Variants in ADCY4 observed in about 807,000 individuals in gnomAD.
ADCY4 encodes adenylate cyclase 4.
Under a neutral mutation model 125.5 loss-of-function variants are expected in ADCY4, and 111 were observed. The observed-to-expected ratio is 0.88, with a 90% CI of 0.76 to 1.04. The LOEUF (loss-of-function observed/expected upper bound fraction) is 1.04, where lower values mean the gene tolerates loss of function less well. Among genes scored for constraint, ADCY4 ranks in the 50% least tolerant of loss-of-function variants. The pLI is 0.00. For missense variants in ADCY4, 1,256 were observed against 1,382.9 expected (o/e 0.91, Z 1.46); for synonymous variants, 576 against 586.9 (o/e 0.98, Z 0.27).
rs1022895491 is a variant in ADCY4 at position 24,329,716 on chromosome 14, C to T, written c.1217+144G>A. ...AGGTGCCTCCCAGCTCCCCTCCCTGCACCCTAGGATCTCCCAAGCCCCATA... is the reference window on the plus strand; with the variant it reads ...AGGTGCCTCCCAGCTCCCCTCCCTGTACCCTAGGATCTCCCAAGCCCCATA... On this transcript the variant is annotated intron_variant, in intron 8 of 24. Transcript: ENST00000418030. 6.4e-6 allele frequency: 9 copies of T among 1,412,850 alleles called. No individual in the cohort carries two copies. The African/African-American group carries it at 7.2e-5, about 11-fold the overall frequency. The allele number at this position is 1,412,850 out of a possible 1,614,324, so 87.5% of individuals were successfully genotyped here.
chr14:24,334,444 C>T (rs751917689), intron 1 of ADCY4, 50 bp downstream of exon 1: 2 of 1,514,138 alleles, frequency 1.3e-6, no homozygotes, highest in Admixed American at 2.2e-5. Context: ...ACCCCAACCC[C>T]GAAAATGCTC....
chr14:24,330,760 G>A (rs1025185349), intron 6 of ADCY4: 2 of 483,920 alleles, frequency 4.1e-6, no homozygotes, highest in African/African-American at 3.8e-5. Flanking sequence ...CATATGTGGG[G>A]GCTCTGAGCA....
At chr14:24,325,521 A>G (rs2041928472) in intron 13 of ADCY4, 47 bp from the exon 14 acceptor site, 2 of 1,528,804 alleles carry the variant, frequency 1.3e-6, no homozygotes, top group Non-Finnish European at 9.0e-7. Flanking sequence ...AGTGCTACCC[A>G]TCACCTTGAA....
Position 24,334,730 on chromosome 14 carries a change from T to A in ADCY4, c.-78A>T. Reference sequence around the variant, plus strand: ...CTCCTTCGGCCCGGCGGGCCCCACCTGAGCTTTTCTCACCCGCTCAAAGCC... The same window carrying A: ...CTCCTTCGGCCCGGCGGGCCCCACCAGAGCTTTTCTCACCCGCTCAAAGCC... On this transcript the variant is annotated 5_prime_UTR_variant, in exon 1 of 25. Transcript: ENST00000418030. 1 of 1,238,658 alleles carries A rather than the reference T, an allele frequency of 8.1e-7. No homozygotes were observed. The highest frequency in any genetic ancestry group is 1.1e-6 in the Non-Finnish European group (1 of 921,638). The allele number at this position is 1,238,658 out of a possible 1,614,324, so 76.7% of individuals were successfully genotyped here. A position where few individuals can be genotyped will look rare whatever the true frequency, so the allele number is the denominator to read the frequency against.
intron 6 of ADCY4, 183 bp downstream of exon 6, chr14:24,330,835 T>C (rs560784740): frequency 3.7e-5 from 22 of 593,162 alleles, no homozygotes; most frequent in African/African-American, 3.3e-4. Context: ...GTTTGAGGTG[T>C]GTGGTGAGCA....
rs753714438 is a variant in ADCY4, at chr14:24,332,521, C to T, written c.519+1G>A. Reference sequence around the variant, plus strand: ...GCAGCCTGTGCTACTTGCGTGCTCACCTGCGGCAGCAGTGCAGGCCGTGAG... The same window carrying T: ...GCAGCCTGTGCTACTTGCGTGCTCATCTGCGGCAGCAGTGCAGGCCGTGAG... On this transcript the variant is annotated splice_donor_variant, in intron 3 of 24. Coordinates refer to ENST00000418030, the MANE Select transcript of ADCY4 (RefSeq NM_001198568.2). LOFTEE classifies it high-confidence loss of function. 3.2e-6 allele frequency: 5 copies of T among 1,562,756 alleles called. No homozygotes were observed. In the South Asian group the frequency reaches 3.5e-5, roughly 11 times the overall value.
chr14:24,322,607 T>C lies in ADCY4; in HGVS notation c.2427+17A>G, dbSNP rs751594534. The C allele has an allele frequency of 3.1e-6, 5 of 1,613,614 alleles. No homozygotes were observed. Among genetic ancestry groups the C allele is most frequent in the Non-Finnish European group, 3.4e-6 (4 of 1,179,722 alleles). The stretch of plus-strand genomic sequence containing the variant: ...ACTCATAGGTGGGCCCTGGTGGGGC[T>C]GAGCTGGGTGACTTACCTGGCGAGC... On this transcript the variant is annotated intron_variant, in intron 19 of 24. Coordinates refer to ENST00000418030, the MANE Select transcript of ADCY4 (RefSeq NM_001198568.2).
At chr14:24,323,759 C>T (rs1324076098) in intron 16 of ADCY4, 10 of 693,798 alleles carry the variant, frequency 1.4e-5, no homozygotes, top group Non-Finnish European at 1.8e-5. Flanking sequence ...CCCAGGTGCC[C>T]ACCAGGAATA....
intron 1 of ADCY4, 98 bp downstream of exon 1, chr14:24,334,396 C>G (rs2042099600): frequency 1.4e-6 from 2 of 1,450,112 alleles, no homozygotes; most frequent in Admixed American, 2.6e-5. Flanking sequence ...TTTCTCTGCT[C>G]CCAGCAACGA....
chr14:24,329,733 A>G, intron 8 of ADCY4, 127 bp downstream of exon 8: 1 of 1,459,492 alleles, frequency 6.9e-7, no homozygotes. Flanking sequence ...GGATCTCCCA[A>G]GCCCCATATG....
chr14:24,327,559 T>C (rs779002986), intron 10 of ADCY4, among the ~76,000 whole-genome samples: 1 of 152,148 alleles, frequency 6.6e-6, no homozygotes, highest in African/African-American at 2.4e-5. Context: ...ATGTTAACAC[T>C]TGGAATTAAG....
At chr14:24,330,774 T>G in intron 6 of ADCY4, 1 of 504,684 alleles carries the variant, frequency 2.0e-6, no homozygotes. Context: ...CTGAGCATGT[T>G]TGGGGCATTG....
chr14:24,330,426 A>G (rs2042023568), intron 6 of ADCY4, 131 bp from the exon 7 acceptor site: 2 of 1,258,122 alleles, frequency 1.6e-6, no homozygotes, highest in African/African-American at 1.5e-5. Context: ...TCTAGATCAG[A>G]TCTAGGGACT....
In ADCY4 at chr14:24,329,679, CTG is replaced by C. The variant is rs2042009638; in HGVS notation, c.1218-148_1218-147del. The C allele has an allele frequency of 3.5e-6, 5 of 1,413,186 alleles. No individual in the cohort carries two copies. In the African/African-American group the frequency reaches 5.8e-5, roughly 16 times the overall value. The allele number at this position is 1,413,186 out of a possible 1,614,324, so 87.5% of individuals were successfully genotyped here. A position where few individuals can be genotyped will look rare whatever the true frequency, so the allele number is the denominator to read the frequency against. ...TGGATGTCTGACTTCAAGAAAGAGCCTGTGTTACAGGAGGTGCCTCCCAGCTC... is the reference window on the plus strand; with the variant it reads ...TGGATGTCTGACTTCAAGAAAGAGCCTGTTACAGGAGGTGCCTCCCAGCTC... On this transcript the variant is annotated intron_variant, in intron 8 of 24. Coordinates refer to ENST00000418030, the MANE Select transcript of ADCY4 (RefSeq NM_001198568.2).
intron 14 of ADCY4, among the ~76,000 whole-genome samples, chr14:24,324,807 G>A (rs1033489215): frequency 7.2e-5 from 11 of 152,136 alleles, no homozygotes; most frequent in Admixed American, 5.9e-4. Flanking sequence ...GGGTTTGAGC[G>A]ATTCTCCTGC....
In ADCY4 at chr14:24,322,714, G is replaced by A. The variant is rs958739929; in HGVS notation, c.2343-6C>T. ...GCTCCTTCAGCACTCCGGGCCTGAA[G>A]GGGCCATGGATCAGGGTGACCCCTT... On this transcript the variant is annotated splice_region_variant and splice_polypyrimidine_tract_variant and intron_variant, in intron 18 of 24. Coordinates refer to ENST00000418030, the MANE Select transcript of ADCY4 (RefSeq NM_001198568.2). 6 of 1,613,592 alleles carry A rather than the reference G, an allele frequency of 3.7e-6. No individual in the cohort carries two copies. The highest frequency in any genetic ancestry group is 5.1e-6 in the Non-Finnish European group (6 of 1,179,822).
chr14:24,319,231 A>T lies in ADCY4; in HGVS notation c.2842-19T>A. ...CAGCATCCTGGCAATGGGCCCGCCC[A>T]CCAGGGTGGGCCAGTGAGGGCACAG... On this transcript the variant is annotated intron_variant, in intron 22 of 24. Coordinates refer to ENST00000418030, the MANE Select transcript of ADCY4 (RefSeq NM_001198568.2). The surrounding 1 kb of genome is among the most constrained non-coding windows in gnomAD (Gnocchi z 4.5). 6.2e-7 allele frequency: 1 copy of T among 1,613,328 alleles called. No individual in the cohort carries two copies.
intron 4 of ADCY4, 193 bp downstream of exon 4, chr14:24,331,595 A>C: frequency 1.0e-6 from 1 of 960,006 alleles, no homozygotes; most frequent in Non-Finnish European, 1.5e-6. Context: ...AATGCTCTAA[A>C]GTGCTTTTTA....
intron 6 of ADCY4, chr14:24,330,770 A>G (rs1269871010): frequency 2.0e-6 from 1 of 496,622 alleles, no homozygotes; most frequent in East Asian, 3.2e-5. Context: ...GGCTCTGAGC[A>G]TGTTTGGGGC....
Sources: allele counts gnomAD v4.1 joint callset (sites outside exome capture counted in the v4.1 genomes callset), GRCh38; gene constraint gnomAD v4.1.1; non-coding constraint Gnocchi (gnomAD v3.1); transcripts MANE v1.5; gene names NCBI Gene and HGNC (gene_info 2026-07-23, HGNC 2026-07-21).